The following HACD4 variants were observed in gnomAD, a reference collection of about 807,000 sequenced individuals.
HACD4 encodes 3-hydroxyacyl-CoA dehydratase 4.
HACD4 carries 35 observed loss-of-function variants against 33.3 expected under a neutral mutation model. That is an observed-to-expected ratio of 1.05 (90% CI 0.80 to 1.39). The LOEUF is 1.39. Ranked by LOEUF, HACD4 falls within the 40% of genes most tolerant of loss-of-function variation. HACD4 has a pLI of 0.00. For synonymous variants in HACD4, 118 were observed against 98.0 expected, an observed-to-expected ratio of 1.20 and a Z score of -1.21; for missense variants, 323 against 276.5, an observed-to-expected ratio of 1.17 and a Z score of -1.19.
intron 3 of HACD4, among the ~76,000 whole-genome samples, chr9:21,017,457 A>C (rs1442916959): frequency 6.6e-6 from 1 of 152,140 alleles, no homozygotes; most frequent in Non-Finnish European, 1.5e-5. Context: ...TTCAATAATA[A>C]ATTCTACTGA....
At chr9:21,029,481 C>G in intron 1 of HACD4, 83 bp from the exon 2 acceptor site, 1 of 792,182 alleles carries the variant, frequency 1.3e-6, no homozygotes, top group Non-Finnish European at 2.0e-6. Flanking sequence ...AATGTACTGG[C>G]CAACCTGAGA....
rs1842213255 is a variant in HACD4, at chr9:21,004,070, A to G, written c.*2967T>C. The G allele has an allele frequency of 6.6e-6, 1 of 152,166 alleles. No individual in the cohort carries two copies. The highest frequency in any genetic ancestry group is 2.4e-5 in the African/African-American group (1 of 41,438). 9.4% of individuals were successfully genotyped at this position (152,166 alleles called of 1,614,324 possible). ...ACCCAGGCTGGAGTGCAGTGGCTCA[A>G]TCTCTGCTCACTGCAACCTCCATCT... is the stretch of plus-strand genomic sequence containing the variant. On this transcript the variant is annotated 3_prime_UTR_variant, in exon 7 of 7. Coordinates refer to ENST00000495827, the MANE Select transcript of HACD4 (RefSeq NM_001010915.5). This position sits in a 1 kb window ranked among gnomAD's most constrained non-coding sequence, Gnocchi z 4.6.
At chr9:21,030,134 G>A (rs1466148887) in intron 1 of HACD4, among the ~76,000 whole-genome samples, 2 of 152,040 alleles carry the variant, frequency 1.3e-5, no homozygotes, top group African/African-American at 4.8e-5. Context: ...AGGTGGCTTT[G>A]AATATTCTTT....
intron 4 of HACD4, among the ~76,000 whole-genome samples, chr9:21,013,803 A>G (rs1436236999): frequency 6.6e-6 from 1 of 152,196 alleles, no homozygotes; most frequent in Non-Finnish European, 1.5e-5. Flanking sequence ...AGTTAATTGC[A>G]AATATATAAA....
At chr9:21,018,826 A>G (rs1817825883) in intron 3 of HACD4, among the ~76,000 whole-genome samples, 1 of 152,070 alleles carries the variant, frequency 6.6e-6, no homozygotes. Context: ...TTTATGTTCT[A>G]TTTGGGAATC....
At chr9:21,015,614 G>GTATCA in intron 4 of HACD4, 1 of 251,030 alleles carries the variant, frequency 4.0e-6, no homozygotes. Flanking sequence ...GAATGCCTTT[G>GTATCA]TTAGGAAACA....
intron 2 of HACD4, among the ~76,000 whole-genome samples, chr9:21,027,295 T>C (rs1818086671): frequency 1.3e-5 from 2 of 152,158 alleles, no homozygotes; most frequent in African/African-American, 2.4e-5. Context: ...ATCAGGACTT[T>C]TGGGGTTTGC....
At position 21,002,526 on chromosome 9, in the gene HACD4, AAGT is replaced by A. The variant is rs1842182352; in HGVS notation, c.*4508_*4510del. 1 of 152,100 alleles carries A rather than the reference AAGT, an allele frequency of 6.6e-6. No individual in the cohort carries two copies. The highest frequency in any genetic ancestry group is 6.6e-5 in the Admixed American group (1 of 15,258). 9.4% of individuals were successfully genotyped at this position (152,100 alleles called of 1,614,324 possible). ...GAGCAATCAAAATCATAGAGACAAAAAGTAGACTGGTGGTTGCCAGGGACAGGG... is the reference window on the plus strand; with the variant it reads ...GAGCAATCAAAATCATAGAGACAAAAAGACTGGTGGTTGCCAGGGACAGGG... On this transcript the variant is annotated 3_prime_UTR_variant, in exon 7 of 7. Transcript: ENST00000495827.
chr9:21,019,410 T>C (rs577331140), intron 3 of HACD4, among the ~76,000 whole-genome samples: 6 of 152,122 alleles, frequency 3.9e-5, no homozygotes, highest in Admixed American at 6.5e-5. Context: ...AATTATTATA[T>C]ACAGGAAAAG....
intron 4 of HACD4, among the ~76,000 whole-genome samples, chr9:21,014,077 T>C (rs75895220): frequency 0.015 from 2,239 of 152,280 alleles, 63 homozygotes; most frequent in African/African-American, 0.05. Context: ...GGATTTTTCA[T>C]AGATGCTTTT....
rs1413557129 is a variant in HACD4, at chr9:21,006,979, A to G, written c.*58T>C. The G allele has an allele frequency of 2.1e-6, 2 of 958,902 alleles. No homozygotes were observed. The highest frequency in any genetic ancestry group is 4.8e-5 in the East Asian group (2 of 41,854). 59.4% of individuals were successfully genotyped at this position (958,902 alleles called of 1,614,324 possible). The stretch of plus-strand genomic sequence containing the variant: ...TCCACCAGAATACTTCCTGTGTTTT[A>G]TTTACTGCACTGAATCCACAGCCTG... On this transcript the variant is annotated 3_prime_UTR_variant, in exon 7 of 7. Coordinates refer to ENST00000495827, the MANE Select transcript of HACD4 (RefSeq NM_001010915.5). The surrounding 1 kb of genome is among the most constrained non-coding windows in gnomAD (Gnocchi z 4.6).
intron 3 of HACD4, among the ~76,000 whole-genome samples, chr9:21,016,415 G>A (rs1159661838): frequency 6.6e-6 from 1 of 152,170 alleles, no homozygotes; most frequent in Non-Finnish European, 1.5e-5. Flanking sequence ...CACAGTGTGT[G>A]CCAGATATGG....
In HACD4 at chr9:21,000,713, G is replaced by C. The variant is rs1842154880; in HGVS notation, c.*6324C>G. On this transcript the variant is annotated 3_prime_UTR_variant, in exon 7 of 7. Transcript: ENST00000495827. ...ATTATTAAAAAGCAGTAATAAACAA[G>C]TGGAAGATAGATACTGGGTAAAGGA... 1 of 152,088 alleles carries C rather than the reference G, an allele frequency of 6.6e-6. No homozygotes were observed. The highest frequency in any genetic ancestry group is 6.6e-5 in the Admixed American group (1 of 15,260). 9.4% of individuals were successfully genotyped at this position (152,088 alleles called of 1,614,324 possible).
intron 4 of HACD4, chr9:21,015,513 CT>C (rs1165358946): frequency 6.4e-6 from 1 of 156,544 alleles, no homozygotes; most frequent in African/African-American, 2.4e-5. Context: ...TTAAAAGATT[CT>C]TGAATGCACA....
Position 21,004,817 on chromosome 9 carries a change from A to C in HACD4, c.*2220T>G, listed in dbSNP as rs1024928381. 1.3e-5 allele frequency: 2 copies of C among 152,236 alleles called. No homozygotes were observed. The highest frequency in any genetic ancestry group is 2.4e-5 in the African/African-American group (1 of 41,456). The allele number at this position is 152,236 out of a possible 1,614,324, so 9.4% of individuals were successfully genotyped here. ...GCTTTGACGTTAGGTAACAGATAGA[A>C]GCTGGAAGAGTTTTGAGGTACTAGA... is the stretch of plus-strand genomic sequence containing the variant. On this transcript the variant is annotated 3_prime_UTR_variant, in exon 7 of 7. Transcript: ENST00000495827. This position sits in a 1 kb window ranked among gnomAD's most constrained non-coding sequence, Gnocchi z 4.6.
chr9:21,018,731 T>C (rs1481561040), intron 3 of HACD4, among the ~76,000 whole-genome samples: 1 of 152,074 alleles, frequency 6.6e-6, no homozygotes, highest in East Asian at 1.9e-4. Flanking sequence ...ATAGTAAATA[T>C]CCTACAACTT....
intron 4 of HACD4, among the ~76,000 whole-genome samples, chr9:21,012,819 C>A (rs1012872174): frequency 6.6e-6 from 1 of 152,150 alleles, no homozygotes; most frequent in Non-Finnish European, 1.5e-5. Context: ...GTAATCCCAG[C>A]ACTTTGGGAG....
intron 3 of HACD4, among the ~76,000 whole-genome samples, chr9:21,020,403 T>C (rs1049167530): frequency 6.6e-6 from 1 of 152,162 alleles, no homozygotes; most frequent in Non-Finnish European, 1.5e-5. Context: ...TTTCCCCTCT[T>C]CTTGAGTTGA....
Position 21,009,404 on chromosome 9 carries a change from G to A in HACD4, c.491-1258C>T, listed in dbSNP as rs57302133. 5.0e-3 allele frequency among the ~76,000 whole-genome samples: 757 copies of A among 152,112 alleles called. 5 individuals carry two copies. The highest frequency in any genetic ancestry group is 0.01 in the African/African-American group (427 of 41,498). The stretch of plus-strand genomic sequence containing the variant: ...TGTATGGCAACCATATAAGAACATG[G>A]CTTTCCTAGAAAAGACAAGGATTAG... On this transcript the variant is annotated intron_variant, in intron 5 of 6. Transcript: ENST00000495827.
Sources: gnomAD v4.1 joint callset for allele counts (sites outside exome capture counted in the v4.1 genomes callset) on GRCh38, gnomAD v4.1.1 for gene constraint, Gnocchi (gnomAD v3.1) non-coding constraint, MANE v1.5 for transcripts, NCBI Gene and HGNC (gene_info 2026-07-23, HGNC 2026-07-21) for gene names.